The following GSDME variants were observed in gnomAD, a reference collection of about 807,000 sequenced individuals.
The protein encoded by GSDME is gasdermin E, also known as gasdermin-E.
Under a neutral mutation model 47.5 loss-of-function variants are expected in GSDME, and 44 were observed. The ratio of observed to expected loss-of-function variants is 0.93; its 90% CI spans 0.73 to 1.19. The LOEUF is 1.19. Among genes scored for constraint, GSDME ranks in the 50% most tolerant of loss-of-function variants. The pLI, the probability that GSDME is intolerant of heterozygous loss-of-function variation, is 0.00. For missense variants in GSDME, 663 were observed against 604.2 expected, an observed-to-expected ratio of 1.10 and a Z score of -1.02; for synonymous variants, 258 against 252.8, an observed-to-expected ratio of 1.02 and a Z score of -0.20.
rs1291158661 is a variant in GSDME, at chr7:24,728,967, GT to G, written c.405-9750del. 1.3e-5 allele frequency among the ~76,000 whole-genome samples: 2 copies of G among 152,198 alleles called. No individual in the cohort carries two copies. The highest frequency in any genetic ancestry group is 6.5e-5 in the Admixed American group (1 of 15,276). The stretch of plus-strand genomic sequence containing the variant: ...TGGGGCAGAATGCTCACTGCACATT[GT>G]TGCCAAAGTGACCAAGTCACCCGCA... On this transcript the variant is annotated intron_variant, in intron 3 of 9. Coordinates refer to ENST00000645220, the MANE Select transcript of GSDME (RefSeq NM_001127453.2). The surrounding 1 kb of genome is among the most constrained non-coding windows in gnomAD (Gnocchi z 7.2).
intron 3 of GSDME, among the ~76,000 whole-genome samples, chr7:24,722,324 T>C (rs567816488): frequency 7.2e-5 from 11 of 152,186 alleles, no homozygotes; most frequent in African/African-American, 2.4e-4. Context: ...GCAGCTTGGA[T>C]CAAAAAATGG....
intron 6 of GSDME, among the ~76,000 whole-genome samples, chr7:24,709,425 A>G (rs767085950): frequency 1.3e-5 from 2 of 152,196 alleles, no homozygotes; most frequent in African/African-American, 4.8e-5. Flanking sequence ...TTATATTAAA[A>G]TTGGGCCTTT....
At chr7:24,720,600 A>C (rs557108279) in intron 3 of GSDME, among the ~76,000 whole-genome samples, 29 of 152,354 alleles carry the variant, frequency 1.9e-4, no homozygotes, top group African/African-American at 6.7e-4. Flanking sequence ...TCATATAATG[A>C]GATATCATAC....
chr7:24,734,817 A>G (rs2128059429), intron 3 of GSDME, among the ~76,000 whole-genome samples: 1 of 151,506 alleles, frequency 6.6e-6, no homozygotes, highest in Admixed American at 6.6e-5. Flanking sequence ...TAGTTTCAAA[A>G]GAGCAAATCT....
upstream of GSDME, among the ~76,000 whole-genome samples, chr7:24,760,089 C>T (rs1791144846): frequency 6.6e-6 from 1 of 152,090 alleles, no homozygotes; most frequent in South Asian, 2.1e-4. The surrounding 1 kb of genome is among the most constrained non-coding windows in gnomAD (Gnocchi z 4.2). Flanking sequence ...TTGGAGTGGT[C>T]CTAATGATGA....
At chr7:24,787,874 T>C in the GSDME span, among the ~76,000 whole-genome samples, 1 of 151,212 alleles carries the variant, frequency 6.6e-6, no homozygotes, top group Admixed American at 6.6e-5. The surrounding 1 kb of genome is among the most constrained non-coding windows in gnomAD (Gnocchi z 5.0). Flanking sequence ...ACCCAGCTAA[T>C]TTTTGTATTT....
chr7:24,735,112 T>C lies in GSDME; in HGVS notation c.404+9450A>G, dbSNP rs6976330. Reference sequence around the variant, plus strand: ...TTGGCAGCAGACTTTTCAGCACAAGTCTTTAAAGGCCAGGAGAGAGTGGCA... The same window carrying C: ...TTGGCAGCAGACTTTTCAGCACAAGCCTTTAAAGGCCAGGAGAGAGTGGCA... On this transcript the variant is annotated intron_variant, in intron 3 of 9. Transcript: ENST00000645220. This position sits in a 1 kb window ranked among gnomAD's most constrained non-coding sequence, Gnocchi z 4.4. Among the ~76,000 whole-genome samples, 15,027 of 152,194 alleles carry C rather than the reference T, an allele frequency of 0.099. 815 individuals are homozygous for C. The highest frequency in any genetic ancestry group is 0.12 in the Admixed American group (1,876 of 15,282).
chr7:24,737,368 TA>T (rs1413026958), intron 3 of GSDME, among the ~76,000 whole-genome samples: 1 of 151,900 alleles, frequency 6.6e-6, no homozygotes, highest in Non-Finnish European at 1.5e-5. Flanking sequence ...TATGAGTAAC[TA>T]TACACCAATA....
upstream of GSDME, among the ~76,000 whole-genome samples, chr7:24,759,451 A>G (rs1251484402): frequency 6.6e-6 from 1 of 152,138 alleles, no homozygotes; most frequent in Non-Finnish European, 1.5e-5. Context: ...GATAGTAATA[A>G]TATCAGCTGC....
intron 2 of GSDME, among the ~76,000 whole-genome samples, chr7:24,749,050 T>C (rs1314593521): frequency 6.6e-6 from 1 of 152,194 alleles, no homozygotes; most frequent in Non-Finnish European, 1.5e-5. Flanking sequence ...TTTTATACTA[T>C]ACCGCAAAAT....
intron 3 of GSDME, among the ~76,000 whole-genome samples, chr7:24,737,429 C>G (rs938060614): frequency 2.0e-5 from 3 of 151,400 alleles, no homozygotes; most frequent in Non-Finnish European, 4.4e-5. Flanking sequence ...CAAAACCTAC[C>G]AAGATTGAAC....
At chr7:24,779,498 G>GGTGTGTGTGTGTGTGTGTGTGTGT in the GSDME span, among the ~76,000 whole-genome samples, 323 of 143,126 alleles carry the variant, frequency 2.3e-3, 4 homozygotes, top group African/African-American at 8.0e-3. The surrounding 1 kb of genome is among the most constrained non-coding windows in gnomAD (Gnocchi z 6.0). Flanking sequence ...AGTGATACAT[G>GGTGTGTGTGTGTGTGTGTGTGTGT]GTGTGTGTGT....
At position 24,744,227 on chromosome 7, in the gene GSDME, G is replaced by C; in HGVS notation, c.404+335C>G. ...AATTATAGAGCCAGAGGGGGGTCATGACTTCCTGGCTTCTAAAGTTAATAT... is the reference window on the plus strand; with the variant it reads ...AATTATAGAGCCAGAGGGGGGTCATCACTTCCTGGCTTCTAAAGTTAATAT... On this transcript the variant is annotated intron_variant, in intron 3 of 9. Transcript: ENST00000645220. The surrounding 1 kb of genome is among the most constrained non-coding windows in gnomAD (Gnocchi z 4.5). The C allele has an allele frequency of 3.5e-6, 1 of 282,284 alleles. No homozygotes were observed. The highest frequency in any genetic ancestry group is 6.8e-6 in the Non-Finnish European group (1 of 147,870). 17.5% of individuals were successfully genotyped at this position (282,284 alleles called of 1,614,324 possible).
At chr7:24,783,946 A>G in the GSDME span, among the ~76,000 whole-genome samples, 1 of 152,086 alleles carries the variant, frequency 6.6e-6, no homozygotes, top group Admixed American at 6.5e-5. Flanking sequence ...TTCCACAGGC[A>G]GTGGAAATGT....
At chr7:24,746,989 G>C (rs998095852) in intron 2 of GSDME, among the ~76,000 whole-genome samples, 6 of 152,222 alleles carry the variant, frequency 3.9e-5, no homozygotes, top group African/African-American at 9.6e-5. Flanking sequence ...ACAGAATCCA[G>C]GATGAGCTCT....
the GSDME span, among the ~76,000 whole-genome samples, chr7:24,782,254 C>T: frequency 7.7e-6 from 1 of 129,476 alleles, no homozygotes; most frequent in Non-Finnish European, 1.6e-5. Context: ...GTGTGATGTT[C>T]CCCTTCCTAT....
At chr7:24,760,739 CA>C (rs1481302690), upstream of GSDME, among the ~76,000 whole-genome samples, 6 of 152,182 alleles carry the variant, frequency 3.9e-5, no homozygotes, top group Admixed American at 3.9e-4. This position sits in a 1 kb window ranked among gnomAD's most constrained non-coding sequence, Gnocchi z 4.2. Context: ...AAACTGATTT[CA>C]TTTACCTCCC....
upstream of GSDME, among the ~76,000 whole-genome samples, chr7:24,760,636 A>C (rs1223468150): frequency 6.6e-6 from 1 of 152,182 alleles, no homozygotes; most frequent in Non-Finnish European, 1.5e-5. The surrounding 1 kb of genome is among the most constrained non-coding windows in gnomAD (Gnocchi z 4.2). Context: ...CATATGCATA[A>C]TTTTGCCTTT....
chr7:24,708,013 C>G lies in GSDME; in HGVS notation c.990+114G>C, dbSNP rs1042478142. ...CAGGACCCAAGAGTCAGAAAAGAGA[C>G]AGCTGTAGGGAGAAAAGGAGGCGGG... On this transcript the variant is annotated intron_variant, in intron 7 of 9. Transcript: ENST00000645220. 3.0e-6 allele frequency: 4 copies of G among 1,340,884 alleles called. No individual in the cohort carries two copies. The African/African-American group carries it at 5.8e-5, about 19-fold the overall frequency. 83.1% of individuals were successfully genotyped at this position (1,340,884 alleles called of 1,614,324 possible). A position where few individuals can be genotyped will look rare whatever the true frequency, so the allele number is the denominator to read the frequency against.
Sources: gnomAD v4.1 joint callset for allele counts (sites outside exome capture counted in the v4.1 genomes callset) on GRCh38, gnomAD v4.1.1 for gene constraint, Gnocchi (gnomAD v3.1) non-coding constraint, MANE v1.5 for transcripts, NCBI Gene and HGNC (gene_info 2026-07-23, HGNC 2026-07-21) for gene names.